The following SLC66A2 variants were observed in gnomAD, a reference collection of about 807,000 sequenced individuals.
The protein encoded by SLC66A2 is solute carrier family 66 member 2.
A neutral mutation model predicts 25.5 loss-of-function variants in SLC66A2; 23 were observed. The ratio of observed to expected loss-of-function variants is 0.90; its 90% CI spans 0.65 to 1.28. The LOEUF (loss-of-function observed/expected upper bound fraction) is 1.28, where lower values mean the gene tolerates loss of function less well. Ranked by LOEUF, SLC66A2 falls within the 50% of genes most tolerant of loss-of-function variation. The probability of loss-of-function intolerance (pLI) is 0.00; values close to 1 mark genes in which losing one functional copy is unlikely to be tolerated. For missense variants in SLC66A2, 396 were observed against 373.1 expected, an observed-to-expected ratio of 1.06 and a Z score of -0.51; for synonymous variants, 193 against 166.5, an observed-to-expected ratio of 1.16 and a Z score of -1.23.
intron 4 of SLC66A2, among the ~76,000 whole-genome samples, chr18:79,932,871 T>C (rs2144875418): frequency 6.6e-6 from 1 of 152,238 alleles, no homozygotes; most frequent in East Asian, 1.9e-4. Flanking sequence ...ACTCTAAAAA[T>C]ATTTAAAGAG....
intron 1 of SLC66A2, among the ~76,000 whole-genome samples, 195 bp downstream of exon 1, chr18:79,951,386 T>TGGGGGCGCACGGCTCGGGGGAA (rs1280369772): frequency 1.8e-5 from 1 of 54,932 alleles, no homozygotes; most frequent in Admixed American, 2.2e-4. Flanking sequence ...GGGCCTAGCA[T>TGGGGGCGCACGGCTCGGGGGAA]GGGGGCGCAC....
At chr18:79,925,145 G>C (rs1274938496) in intron 4 of SLC66A2, 1 of 152,216 alleles carries the variant, frequency 6.6e-6, no homozygotes, top group African/African-American at 2.4e-5. Context: ...GCAAATAAGA[G>C]AGAGGCGCCT....
intron 5 of SLC66A2, among the ~76,000 whole-genome samples, chr18:79,905,533 G>A (rs1981992628): frequency 6.6e-6 from 1 of 152,256 alleles, no homozygotes; most frequent in Admixed American, 6.5e-5. Flanking sequence ...TGGGACCACA[G>A]CCCCGGTGCA....
Position 79,951,647 on chromosome 18 carries a change from T to A in SLC66A2, c.-166A>T, listed in dbSNP as rs944350890. The A allele has an allele frequency of 4.6e-5, 7 of 151,372 alleles. No individual in the cohort carries two copies. The highest frequency in any genetic ancestry group is 1.9e-4 in the East Asian group (1 of 5,132). 9.4% of individuals were successfully genotyped at this position (151,372 alleles called of 1,614,324 possible). On this transcript the variant is annotated 5_prime_UTR_variant, in exon 1 of 6. Coordinates refer to ENST00000397778, the MANE Select transcript of SLC66A2 (RefSeq NM_025078.5). ...CCGCTGACCCGCGCGCGTCTCGGCG[T>A]CAGTCCGCTCAGGCGCCGGGAAACC...
rs578249635 is a variant in SLC66A2, at chr18:79,924,078, G to A, written c.392-4678C>T. Among the ~76,000 whole-genome samples, 22 of 151,558 alleles carry A rather than the reference G, an allele frequency of 1.5e-4. No individual in the cohort carries two copies. In the South Asian group the frequency reaches 1.9e-3, roughly 13 times the overall value. ...GGCACTGGCGAGCTTAACCGTACAC[G>A]CCAAACACCCTCAATTCGTGCATTT... On this transcript the variant is annotated intron_variant, in intron 4 of 5. Transcript: ENST00000397778.
At chr18:79,934,883 C>A (rs1034273822) in intron 3 of SLC66A2, among the ~76,000 whole-genome samples, 1 of 152,204 alleles carries the variant, frequency 6.6e-6, no homozygotes, top group Non-Finnish European at 1.5e-5. Context: ...TGACCTCTGA[C>A]CTCTGCCCTC....
rs571544835 is a variant in SLC66A2, at chr18:79,943,532, G to A, written c.204-70C>T. 749 of 1,560,682 alleles carry A rather than the reference G, an allele frequency of 4.8e-4. 2 individuals carry two copies. Among genetic ancestry groups the A allele is most frequent in the Non-Finnish European group, 3.5e-4 (403 of 1,148,962 alleles). ...CTTCTCCCAGTCCCGAACCTGCAGC[G>A]GGAGAGACCCGGGTCAGGAGGGAGG... On this transcript the variant is annotated intron_variant, in intron 2 of 5. Transcript: ENST00000397778.
At chr18:79,929,497 A>G (rs1986347871) in intron 4 of SLC66A2, among the ~76,000 whole-genome samples, 1 of 152,222 alleles carries the variant, frequency 6.6e-6, no homozygotes, top group South Asian at 2.1e-4. Flanking sequence ...ACTATAGTTT[A>G]CCTAAAATGT....
At chr18:79,908,515 G>A (rs375922414) in intron 5 of SLC66A2, among the ~76,000 whole-genome samples, 4 of 152,250 alleles carry the variant, frequency 2.6e-5, no homozygotes, top group Admixed American at 6.5e-5. Context: ...GATGTGATAT[G>A]TTTGGGATTC....
rs1599650846 is a variant in SLC66A2 at position 79,943,222 on chromosome 18, G to A, written c.337+107C>T. On this transcript the variant is annotated intron_variant, in intron 3 of 5. Transcript: ENST00000397778. ...GCTGGAGATAACAGCACCACTTGGTGAAATGAAAGCTGCTTGGATCAGGAC... is the reference window on the plus strand; with the variant it reads ...GCTGGAGATAACAGCACCACTTGGTAAAATGAAAGCTGCTTGGATCAGGAC... The A allele has an allele frequency of 2.9e-6, 4 of 1,381,732 alleles. No homozygotes were observed. The East Asian group carries it at 9.6e-5, about 33-fold the overall frequency. The allele number at this position is 1,381,732 out of a possible 1,614,324, so 85.6% of individuals were successfully genotyped here.
chr18:79,903,827 G>C lies in SLC66A2; in HGVS notation c.*149C>G. 1 of 640,946 alleles carries C rather than the reference G, an allele frequency of 1.6e-6. No homozygotes were observed. Among genetic ancestry groups the C allele is most frequent in the Non-Finnish European group, 2.6e-6 (1 of 387,772 alleles). The allele number at this position is 640,946 out of a possible 1,614,324, so 39.7% of individuals were successfully genotyped here. A position where few individuals can be genotyped will look rare whatever the true frequency, so the allele number is the denominator to read the frequency against. On this transcript the variant is annotated 3_prime_UTR_variant, in exon 6 of 6. Coordinates refer to ENST00000397778, the MANE Select transcript of SLC66A2 (RefSeq NM_025078.5). ...GCCCCACCCCCACTGCCCACCCTGA[G>C]ACACCCCACAGAGGCTGATGGAGAC... is the stretch of plus-strand genomic sequence containing the variant.
At chr18:79,912,353 C>T (rs11664373) in intron 5 of SLC66A2, among the ~76,000 whole-genome samples, 1,919 of 150,838 alleles carry the variant, frequency 0.013, 23 homozygotes, top group Admixed American at 0.022. Context: ...AGCTGAAGAA[C>T]GAAGAACGAA....
intron 4 of SLC66A2, among the ~76,000 whole-genome samples, chr18:79,929,682 A>ATTTAAT: frequency 6.6e-6 from 1 of 152,322 alleles, no homozygotes; most frequent in East Asian, 1.9e-4. Context: ...AACTAAAGGG[A>ATTTAAT]TCCATGCATA....
rs776638882 is a variant in SLC66A2 at position 79,904,228 on chromosome 18, C to G, written c.609-45G>C. On this transcript the variant is annotated intron_variant, in intron 5 of 5. Coordinates refer to ENST00000397778, the MANE Select transcript of SLC66A2 (RefSeq NM_025078.5). This position sits in a 1 kb window ranked among gnomAD's most constrained non-coding sequence, Gnocchi z 6.3. ...CGGTCAGCGGTGGGGAGGGCGGCGACCTGGGCTCAGTCAGTGGGGAGGCCT... is the reference window on the plus strand; with the variant it reads ...CGGTCAGCGGTGGGGAGGGCGGCGAGCTGGGCTCAGTCAGTGGGGAGGCCT... 1 of 1,568,830 alleles carries G rather than the reference C, an allele frequency of 6.4e-7. No homozygotes were observed. Among genetic ancestry groups the G allele is most frequent in the African/African-American group, 1.4e-5 (1 of 73,826 alleles).
At position 79,903,611 on chromosome 18, in the gene SLC66A2, C is replaced by T. The variant is rs900066828; in HGVS notation, c.*365G>A. 4 of 285,310 alleles carry T rather than the reference C, an allele frequency of 1.4e-5. No homozygotes were observed. The highest frequency in any genetic ancestry group is 5.6e-5 in the Admixed American group (1 of 17,854). 17.7% of individuals were successfully genotyped at this position (285,310 alleles called of 1,614,324 possible). ...CTGCGGTCACCCCAGCTTCAAGGTT[C>T]GCGGCTGCTGGCCCGTGTGTCCACC... On this transcript the variant is annotated 3_prime_UTR_variant, in exon 6 of 6. Coordinates refer to ENST00000397778, the MANE Select transcript of SLC66A2 (RefSeq NM_025078.5).
chr18:79,928,440 C>A (rs552430059), intron 4 of SLC66A2, among the ~76,000 whole-genome samples: 3 of 152,334 alleles, frequency 2.0e-5, no homozygotes, highest in East Asian at 3.9e-4. Flanking sequence ...TCAGAAACAA[C>A]AGAGGCAGTA....
At position 79,919,414 on chromosome 18, in the gene SLC66A2, G is replaced by C. The variant is rs765072600; in HGVS notation, c.392-14C>G. On this transcript the variant is annotated splice_polypyrimidine_tract_variant and intron_variant, in intron 4 of 5. Coordinates refer to ENST00000397778, the MANE Select transcript of SLC66A2 (RefSeq NM_025078.5). ...GGGGGTCGAAGTCTAGGGCGAGAGG[G>C]AGAAGCAGCCTCAGCACAGCTTAGG... The C allele has an allele frequency of 6.2e-7, 1 of 1,610,024 alleles. No homozygotes were observed. Among genetic ancestry groups the C allele is most frequent in the Non-Finnish European group, 8.5e-7 (1 of 1,177,792 alleles).
chr18:79,934,422 C>T (rs900234782), intron 3 of SLC66A2, among the ~76,000 whole-genome samples: 1 of 152,192 alleles, frequency 6.6e-6, no homozygotes, highest in African/African-American at 2.4e-5. Flanking sequence ...ATGCAAGCTG[C>T]GGCTGCAATA....
At chr18:79,923,416 G>T (rs1412737386) in intron 4 of SLC66A2, among the ~76,000 whole-genome samples, 1 of 152,110 alleles carries the variant, frequency 6.6e-6, no homozygotes, top group African/African-American at 2.4e-5. Flanking sequence ...AGGACGCCAG[G>T]TGAGGGTTTA....
Sources: gnomAD v4.1 joint callset for allele counts (sites outside exome capture counted in the v4.1 genomes callset) on GRCh38, gnomAD v4.1.1 for gene constraint, Gnocchi (gnomAD v3.1) non-coding constraint, MANE v1.5 for transcripts, NCBI Gene and HGNC (gene_info 2026-07-23, HGNC 2026-07-21) for gene names.